CCM2: variants seen among roughly 807,000 people sequenced by gnomAD.
The protein encoded by CCM2 is cerebral cavernous malformations 2 protein.
CCM2 carries 25 observed loss-of-function variants against 44.9 expected under a neutral mutation model. That is an observed-to-expected ratio of 0.56 (90% confidence interval 0.41 to 0.78). The LOEUF is 0.78. CCM2 is among the 30% of genes least tolerant of loss of function. CCM2 has a pLI of 0.00. For missense variants in CCM2, 481 were observed against 580.6 expected, an observed-to-expected ratio of 0.83 and a Z score of 1.76; for synonymous variants, 219 against 241.1, an observed-to-expected ratio of 0.91 and a Z score of 0.85.
chr7:45,008,592 C>A (rs1795942087), intron 1 of CCM2, among the ~76,000 whole-genome samples: 1 of 151,906 alleles, frequency 6.6e-6, no homozygotes, highest in Non-Finnish European at 1.5e-5. Flanking sequence ...AAACTCCCAA[C>A]CTCAGGTGAT....
At chr7:45,051,309 AG>A (rs1164977674) in intron 2 of CCM2, among the ~76,000 whole-genome samples, 1 of 152,112 alleles carries the variant, frequency 6.6e-6, no homozygotes, top group Non-Finnish European at 1.5e-5. Flanking sequence ...CCTAAAGAAG[AG>A]GGGGCATCCT....
At chr7:45,016,790 G>A (rs1306353053) in intron 1 of CCM2, among the ~76,000 whole-genome samples, 1 of 152,064 alleles carries the variant, frequency 6.6e-6, no homozygotes, top group East Asian at 1.9e-4. Context: ...CTACCACCAC[G>A]CCTGGCTAAT....
At chr7:45,071,888 T>G (rs765319179) in intron 6 of CCM2, 3 of 456,614 alleles carry the variant, frequency 6.6e-6, no homozygotes, top group Non-Finnish European at 1.3e-5. Flanking sequence ...CTGATAAGCA[T>G]CCTTTACTCC....
intron 1 of CCM2, 83 bp downstream of exon 1, chr7:45,000,446 T>G: frequency 2.0e-5 from 1 of 49,618 alleles, no homozygotes. Context: ...CGGGTGTTCC[T>G]TGGGGCCCGG....
chr7:45,028,574 T>C (rs1023675081), intron 1 of CCM2, among the ~76,000 whole-genome samples: 11 of 152,014 alleles, frequency 7.2e-5, no homozygotes, highest in African/African-American at 2.7e-4. Flanking sequence ...GGAGAATCAC[T>C]TGAACCCGGG....
At chr7:45,025,013 T>C (rs1260219180) in intron 1 of CCM2, among the ~76,000 whole-genome samples, 1 of 152,228 alleles carries the variant, frequency 6.6e-6, no homozygotes, top group Non-Finnish European at 1.5e-5. Context: ...ACCCAGCTTC[T>C]GTGGCCTTTA....
At chr7:45,050,212 G>C (rs929564395) in intron 2 of CCM2, among the ~76,000 whole-genome samples, 8 of 152,216 alleles carry the variant, frequency 5.3e-5, no homozygotes, top group Admixed American at 4.6e-4. Context: ...ATGCTGTACA[G>C]GTTGTAGCCT....
chr7:45,031,777 T>G (rs1796980560), intron 1 of CCM2, among the ~76,000 whole-genome samples: 1 of 152,148 alleles, frequency 6.6e-6, no homozygotes, highest in South Asian at 2.1e-4. Context: ...CTCACCCTGT[T>G]GCCCAGGCTG....
intron 2 of CCM2, among the ~76,000 whole-genome samples, chr7:45,040,202 G>C (rs1014639035): frequency 6.6e-6 from 1 of 151,126 alleles, no homozygotes; most frequent in East Asian, 2.0e-4. Flanking sequence ...GGCTAACACA[G>C]TGAAACCCTG....
chr7:45,022,523 G>T (rs914127773), intron 1 of CCM2, among the ~76,000 whole-genome samples: 5 of 151,354 alleles, frequency 3.3e-5, no homozygotes, highest in Admixed American at 6.6e-5. Context: ...AGCCAGGATG[G>T]TCTCCATCTC....
At chr7:45,070,065 G>T in intron 6 of CCM2, 104 bp downstream of exon 6, 1 of 1,434,398 alleles carries the variant, frequency 7.0e-7, no homozygotes. Flanking sequence ...CGCAGTTACT[G>T]CCGTGACATG....
At chr7:45,072,133 G>C in intron 6 of CCM2, 1 of 341,636 alleles carries the variant, frequency 2.9e-6, no homozygotes, top group East Asian at 8.0e-5. Context: ...GCCTTCCTCA[G>C]GTTTGAAATA....
chr7:45,049,913 G>A (rs573113287), intron 2 of CCM2, among the ~76,000 whole-genome samples: 2 of 152,286 alleles, frequency 1.3e-5, no homozygotes, highest in Admixed American at 6.5e-5. Flanking sequence ...AAAAAATACA[G>A]TGTAACAACT....
At position 45,063,924 on chromosome 7, in the gene CCM2, G is replaced by C; in HGVS notation, c.211G>C (p.Gly71Arg). 1 of 1,608,650 alleles carries C rather than the reference G, an allele frequency of 6.2e-7. No individual in the cohort carries two copies. Among genetic ancestry groups the C allele is most frequent in the Non-Finnish European group, 8.5e-7 (1 of 1,175,190 alleles). Reference sequence around the variant, plus strand: ...TTTCTTCACTTTCTTTCAGTATTTAGGTCAGTTAACGTCCATACCAGGATA... The same window carrying C: ...TTTCTTCACTTTCTTTCAGTATTTACGTCAGTTAACGTCCATACCAGGATA... Reference protein sequence around the residue: ...DYIEKEVKYLGQLTSIPGYLN... With the variant: ...DYIEKEVKYLRQLTSIPGYLN... The change falls in exon 3 of 10, where the codon GGT becomes CGT. Residue 71 changes from glycine (G) to arginine (R), a missense_variant. By Grantham distance (125) the Gly-to-Arg change is moderately radical (BLOSUM62 -2). Transcript: ENST00000258781.
At chr7:45,061,527 G>A (rs567676245) in intron 2 of CCM2, among the ~76,000 whole-genome samples, 37 of 150,114 alleles carry the variant, frequency 2.5e-4, no homozygotes, top group Admixed American at 5.3e-4. Context: ...GAGTGCAGTG[G>A]CACCATCATG....
At chr7:45,056,345 A>G (rs1421029241) in intron 2 of CCM2, among the ~76,000 whole-genome samples, 3 of 152,298 alleles carry the variant, frequency 2.0e-5, no homozygotes, top group South Asian at 4.1e-4. Context: ...CAACAATTGT[A>G]ATTTTCCCTT....
chr7:45,066,705 A>C (rs1280354920), intron 4 of CCM2, among the ~76,000 whole-genome samples: 1 of 152,054 alleles, frequency 6.6e-6, no homozygotes, highest in Non-Finnish European at 1.5e-5. Flanking sequence ...TCACCCGTGC[A>C]CCCGTGGTAG....
chr7:45,023,168 G>A (rs919045455), intron 1 of CCM2, among the ~76,000 whole-genome samples: 2 of 152,134 alleles, frequency 1.3e-5, no homozygotes, highest in African/African-American at 4.8e-5. Context: ...ATCACTCTGT[G>A]TGCCTTTGTG....
At chr7:45,031,839 T>C (rs1051328387) in intron 1 of CCM2, among the ~76,000 whole-genome samples, 2 of 152,150 alleles carry the variant, frequency 1.3e-5, no homozygotes, top group Non-Finnish European at 2.9e-5. Flanking sequence ...CCCAAAGTGT[T>C]GGGATTACAG....
Sources: gnomAD v4.1 joint callset for allele counts (sites outside exome capture counted in the v4.1 genomes callset) on GRCh38, gnomAD v4.1.1 for gene constraint, MANE v1.5 for transcripts, NCBI Gene and HGNC (gene_info 2026-07-23, HGNC 2026-07-21) for gene names.